MAGI2: variants seen among roughly 807,000 people sequenced by gnomAD.
The protein encoded by MAGI2 is membrane associated guanylate kinase, WW and PDZ domain containing 2.
A neutral mutation model predicts 133.3 loss-of-function variants in MAGI2; 35 were observed. The observed-to-expected ratio is 0.26, with a 90% CI of 0.20 to 0.35. MAGI2 has a LOEUF of 0.35. Among genes scored for constraint, MAGI2 ranks in the 10% least tolerant of loss-of-function variants. The probability of loss-of-function intolerance (pLI) is 1.00; values close to 1 mark genes in which losing one functional copy is unlikely to be tolerated. For synonymous variants in MAGI2, 729 were observed against 710.6 expected (o/e 1.03, Z -0.41); for missense variants, 1,636 against 1,863.4 (o/e 0.88, Z 2.25).
In MAGI2 at chr7:78,739,120, A is replaced by G. The variant is rs74665776; in HGVS notation, c.419-111881T>C. 2.9e-3 allele frequency among the ~76,000 whole-genome samples: 441 copies of G among 152,332 alleles called. 1 individual carries two copies. The highest frequency in any genetic ancestry group is 9.5e-3 in the African/African-American group (394 of 41,578). On this transcript the variant is annotated intron_variant, in intron 2 of 21. Transcript: ENST00000354212. ...TTTCAAGTATTAATTTTTTAAAGGCAGGTGAATGCTTTTTTCCCCCTCAGT... is the reference window on the plus strand; with the variant it reads ...TTTCAAGTATTAATTTTTTAAAGGCGGGTGAATGCTTTTTTCCCCCTCAGT...
chr7:78,932,288 C>T (rs1800193083), intron 2 of MAGI2, among the ~76,000 whole-genome samples: 1 of 152,040 alleles, frequency 6.6e-6, no homozygotes, highest in Admixed American at 6.6e-5. Context: ...AAAAGGCCTG[C>T]AGATACCCCT....
chr7:79,171,758 ATATATATATATAT>A (rs1357601357), intron 1 of MAGI2, among the ~76,000 whole-genome samples: 1 of 31,694 alleles, frequency 3.2e-5, no homozygotes, highest in African/African-American at 7.5e-5. Flanking sequence ...ATATATATAT[ATATATATATATAT>A]TTTTTTTTTT....
intron 3 of MAGI2, among the ~76,000 whole-genome samples, chr7:78,541,958 A>C (rs1348209968): frequency 1.3e-5 from 2 of 152,222 alleles, no homozygotes; most frequent in Non-Finnish European, 2.9e-5. Flanking sequence ...TTTTCTGTGA[A>C]GGGCCAGAGA....
chr7:78,809,529 G>C (rs1017540758), intron 2 of MAGI2, among the ~76,000 whole-genome samples: 1 of 152,036 alleles, frequency 6.6e-6, no homozygotes, highest in African/African-American at 2.4e-5. Flanking sequence ...TTTAATTCTG[G>C]TACTCAGTAT....
At chr7:79,099,610 T>C (rs1817796172) in intron 1 of MAGI2, among the ~76,000 whole-genome samples, 1 of 152,144 alleles carries the variant, frequency 6.6e-6, no homozygotes, top group Admixed American at 6.5e-5. Flanking sequence ...GGTAGTTTTT[T>C]CTTCTCACCC....
At chr7:78,252,966 G>A (rs1241980916) in intron 10 of MAGI2, 1 of 146,618 alleles carries the variant, frequency 6.8e-6, no homozygotes, top group African/African-American at 2.6e-5. Context: ...AAAAACAATG[G>A]GCAGCTATTG....
intron 1 of MAGI2, among the ~76,000 whole-genome samples, chr7:79,446,429 T>C (rs374589347): frequency 6.6e-6 from 1 of 152,206 alleles, no homozygotes; most frequent in East Asian, 1.9e-4. Flanking sequence ...ATATCCAAAG[T>C]ATAGCAAGTA....
intron 7 of MAGI2, among the ~76,000 whole-genome samples, chr7:78,361,988 T>A (rs1490526527): frequency 6.6e-6 from 1 of 152,096 alleles, no homozygotes; most frequent in Admixed American, 6.5e-5. Context: ...TCTTTTCATG[T>A]GAAAGGATCG....
intron 3 of MAGI2, among the ~76,000 whole-genome samples, chr7:78,522,108 T>C (rs1266868874): frequency 6.6e-6 from 1 of 152,198 alleles, no homozygotes; most frequent in East Asian, 1.9e-4. Context: ...ATTATGGCTA[T>C]TGTCCTTGAT....
At chr7:78,544,001 C>T (rs1402927624) in intron 3 of MAGI2, among the ~76,000 whole-genome samples, 1 of 152,184 alleles carries the variant, frequency 6.6e-6, no homozygotes, top group Non-Finnish European at 1.5e-5. Context: ...CATAAACAAC[C>T]AATAACCCAA....
At chr7:78,120,745 G>T (rs2903951) in intron 20 of MAGI2, among the ~76,000 whole-genome samples, 104,943 of 151,622 alleles carry the variant, frequency 0.69, 36,561 homozygotes, top group African/African-American at 0.75. Flanking sequence ...CTCACGCCTG[G>T]AATCCCAGCA....
intron 16 of MAGI2, among the ~76,000 whole-genome samples, chr7:78,153,602 A>G (rs188815180): frequency 6.6e-6 from 1 of 152,322 alleles, no homozygotes; most frequent in African/African-American, 2.4e-5. Context: ...CGAACAAAAG[A>G]ACTCAAAGTG....
intron 1 of MAGI2, among the ~76,000 whole-genome samples, chr7:79,198,677 A>G (rs760165074): frequency 6.6e-6 from 1 of 151,988 alleles, no homozygotes; most frequent in Non-Finnish European, 1.5e-5. Context: ...ATCACCTGTT[A>G]GGGGTTTGAG....
intron 10 of MAGI2, among the ~76,000 whole-genome samples, chr7:78,226,816 C>T (rs933197579): frequency 6.6e-6 from 1 of 152,160 alleles, no homozygotes; most frequent in Non-Finnish European, 1.5e-5. Flanking sequence ...GGTAAATGTA[C>T]AGTCAGATTG....
At chr7:78,241,881 C>A (rs1791181665) in intron 10 of MAGI2, among the ~76,000 whole-genome samples, 1 of 151,816 alleles carries the variant, frequency 6.6e-6, no homozygotes, top group Non-Finnish European at 1.5e-5. Context: ...CTGCAGTGAG[C>A]CGAGATCATG....
rs529559404 is a variant in MAGI2 at position 79,391,562 on chromosome 7, T to C, written c.301+61458A>G. The stretch of plus-strand genomic sequence containing the variant: ...AGACATATATATATATATATATATA[T>C]ACACACTTTACTGTAAGTTCCAGGC... On this transcript the variant is annotated intron_variant, in intron 1 of 21. Transcript: ENST00000354212. 2.0e-3 allele frequency among the ~76,000 whole-genome samples: 139 copies of C among 68,344 alleles called. 2 individuals are homozygous for C. Among genetic ancestry groups the C allele is most frequent in the South Asian group, 7.9e-3 (12 of 1,516 alleles). 44.8% of individuals were successfully genotyped at this position (68,344 alleles called of 152,430 possible). A position where few individuals can be genotyped will look rare whatever the true frequency, so the allele number is the denominator to read the frequency against.
chr7:78,223,273 T>G (rs1404338426), intron 10 of MAGI2, among the ~76,000 whole-genome samples: 1 of 152,232 alleles, frequency 6.6e-6, no homozygotes, highest in Non-Finnish European at 1.5e-5. Context: ...CCAGACCATT[T>G]GTTCTTTCAT....
chr7:78,633,673 T>C (rs1365174481), intron 2 of MAGI2, among the ~76,000 whole-genome samples: 2 of 128,510 alleles, frequency 1.6e-5, no homozygotes, highest in East Asian at 4.5e-4. Context: ...GCCACTGCAC[T>C]CCAGCCTGGG....
intron 2 of MAGI2, among the ~76,000 whole-genome samples, chr7:78,773,219 A>T (rs1825727441): frequency 6.6e-6 from 1 of 152,192 alleles, no homozygotes; most frequent in South Asian, 2.1e-4. Flanking sequence ...AGCTATTCTA[A>T]CAGAGACTTG....
Sources: gnomAD v4.1 joint callset for allele counts (sites outside exome capture counted in the v4.1 genomes callset) on GRCh38, gnomAD v4.1.1 for gene constraint, MANE v1.5 for transcripts, NCBI Gene and HGNC (gene_info 2026-07-23, HGNC 2026-07-21) for gene names.